The following ZFPM2 variants were observed in gnomAD, a reference collection of about 807,000 sequenced individuals.
ZFPM2 encodes the protein zinc finger protein ZFPM2.
Under a neutral mutation model 98.6 loss-of-function variants are expected in ZFPM2, and 20 were observed. The observed-to-expected ratio is 0.20, with a 90% CI of 0.14 to 0.29. The LOEUF (loss-of-function observed/expected upper bound fraction) is 0.29, where lower values mean the gene tolerates loss of function less well. ZFPM2 is among the 10% of genes least tolerant of loss of function. The pLI, the probability that ZFPM2 is intolerant of heterozygous loss-of-function variation, is 1.00. For missense variants in ZFPM2, 1,310 were observed against 1,388.6 expected, an observed-to-expected ratio of 0.94 and a Z score of 0.90; for synonymous variants, 518 against 502.7, an observed-to-expected ratio of 1.03 and a Z score of -0.41.
intron 1 of ZFPM2, among the ~76,000 whole-genome samples, chr8:105,355,076 TG>T (rs1448176583): frequency 1.3e-5 from 2 of 148,632 alleles, no homozygotes; most frequent in African/African-American, 4.9e-5. Flanking sequence ...AAATTGACAC[TG>T]TTTTTTAACA....
chr8:105,712,147 ATGT>A lies in ZFPM2; in HGVS notation c.533-76565_533-76563del, dbSNP rs1228745323. 3.3e-5 allele frequency among the ~76,000 whole-genome samples: 5 copies of A among 152,070 alleles called. No homozygotes were observed. The East Asian group carries it at 5.8e-4, about 18-fold the overall frequency. On this transcript the variant is annotated intron_variant, in intron 5 of 7. Coordinates refer to ENST00000407775, the MANE Select transcript of ZFPM2 (RefSeq NM_012082.4). The stretch of plus-strand genomic sequence containing the variant: ...TGAGGAACCAGTGGAGAGTTATAAG[ATGT>A]TGTTGAAACAAAAAAAGATAAGGAA...
rs553932704 is a variant in ZFPM2 at position 105,574,065 on chromosome 8, A to AT, written c.420+12586dup. 1.3e-3 allele frequency among the ~76,000 whole-genome samples: 201 copies of AT among 152,338 alleles called. 2 individuals are homozygous for AT. Among genetic ancestry groups the AT allele is most frequent in the African/African-American group, 4.7e-3 (196 of 41,590 alleles). On this transcript the variant is annotated intron_variant, in intron 4 of 7. Coordinates refer to ENST00000407775, the MANE Select transcript of ZFPM2 (RefSeq NM_012082.4). ...TATGCCTGTGAATAGAAAGTAAATG[A>AT]TTCATTCCTTTAATTCCCCAAGCAG...
intron 5 of ZFPM2, among the ~76,000 whole-genome samples, chr8:105,672,085 G>A (rs1817608731): frequency 6.6e-6 from 1 of 151,944 alleles, no homozygotes; most frequent in Non-Finnish European, 1.5e-5. Context: ...ATACATTCTA[G>A]ACTTTGTAAC....
intron 5 of ZFPM2, among the ~76,000 whole-genome samples, chr8:105,729,411 C>T (rs532180666): frequency 6.6e-6 from 1 of 151,122 alleles, no homozygotes; most frequent in Non-Finnish European, 1.5e-5. Flanking sequence ...TTTGGTTGAC[C>T]TTTATGTATT....
At chr8:105,505,060 CAG>C (rs2130485498) in intron 3 of ZFPM2, among the ~76,000 whole-genome samples, 1 of 152,222 alleles carries the variant, frequency 6.6e-6, no homozygotes, top group East Asian at 1.9e-4. Context: ...GCAAGGCACA[CAG>C]AAAATTACAT....
intron 5 of ZFPM2, among the ~76,000 whole-genome samples, chr8:105,644,881 C>G (rs1488682215): frequency 6.6e-6 from 1 of 152,158 alleles, no homozygotes; most frequent in East Asian, 1.9e-4. Context: ...TCACAAAAGC[C>G]TTACCTCCTA....
intron 2 of ZFPM2, among the ~76,000 whole-genome samples, chr8:105,422,283 A>G (rs1811810854): frequency 6.6e-6 from 1 of 151,770 alleles, no homozygotes; most frequent in Admixed American, 6.6e-5. Flanking sequence ...ACTAAAATAC[A>G]AAAATTAACT....
At chr8:105,624,956 A>T (rs1337128348) in intron 4 of ZFPM2, among the ~76,000 whole-genome samples, 3 of 152,158 alleles carry the variant, frequency 2.0e-5, no homozygotes, top group African/African-American at 7.2e-5. Flanking sequence ...GAGATCCCAC[A>T]TACCACATTC....
At chr8:105,583,389 A>T (rs1284842136) in intron 4 of ZFPM2, among the ~76,000 whole-genome samples, 1 of 152,178 alleles carries the variant, frequency 6.6e-6, no homozygotes, top group Non-Finnish European at 1.5e-5. Context: ...AAAAAGAGAA[A>T]TCACAAATTT....
chr8:105,611,114 C>A (rs1318358453), intron 4 of ZFPM2, among the ~76,000 whole-genome samples: 1 of 152,140 alleles, frequency 6.6e-6, no homozygotes, highest in African/African-American at 2.4e-5. Context: ...TTACAGACAG[C>A]TCCTGACTTA....
At chr8:105,327,853 C>CT (rs969555868) in intron 1 of ZFPM2, among the ~76,000 whole-genome samples, 6 of 151,598 alleles carry the variant, frequency 4.0e-5, no homozygotes, top group Admixed American at 1.3e-4. Flanking sequence ...CATAAAAGGC[C>CT]TTTTTTTCAT....
At chr8:105,534,276 T>TCCCC (rs1554614982) in intron 3 of ZFPM2, among the ~76,000 whole-genome samples, 3 of 39,472 alleles carry the variant, frequency 7.6e-5, no homozygotes. Context: ...CCTTCCTTCT[T>TCCCC]TCCCTCCCTC....
At chr8:105,767,707 TA>T (rs904557214) in intron 5 of ZFPM2, among the ~76,000 whole-genome samples, 2 of 151,730 alleles carry the variant, frequency 1.3e-5, no homozygotes, top group Non-Finnish European at 2.9e-5. Flanking sequence ...TCAGGGAATA[TA>T]AAAAAAATTT....
intron 4 of ZFPM2, among the ~76,000 whole-genome samples, chr8:105,610,620 TG>T (rs1216363479): frequency 1.3e-5 from 2 of 152,132 alleles, no homozygotes; most frequent in Admixed American, 6.6e-5. Context: ...TATTGTATAT[TG>T]GGGGCTCTGT....
intron 3 of ZFPM2, among the ~76,000 whole-genome samples, chr8:105,549,739 G>C (rs1814806559): frequency 6.6e-6 from 1 of 151,440 alleles, no homozygotes. Flanking sequence ...AACTTCCCAA[G>C]TAGCAGGGAC....
chr8:105,606,583 A>G (rs1404640854), intron 4 of ZFPM2, among the ~76,000 whole-genome samples: 1 of 152,098 alleles, frequency 6.6e-6, no homozygotes, highest in Non-Finnish European at 1.5e-5. Flanking sequence ...TGGAAATTAC[A>G]AAACACAAAG....
At chr8:105,324,414 T>A (rs1041708894) in intron 1 of ZFPM2, among the ~76,000 whole-genome samples, 6 of 151,864 alleles carry the variant, frequency 4.0e-5, no homozygotes, top group African/African-American at 1.4e-4. Flanking sequence ...TCATCCATGT[T>A]ATTTCTGCTA....
rs1410432234 is a variant in ZFPM2, at chr8:105,605,732, G to A, written c.421-28514G>A. ...GAAAATGGGGTAAGAAAGTTGTATT[G>A]ATATGTTGAGAATTGCTCAGTGCAA... On this transcript the variant is annotated intron_variant, in intron 4 of 7. Coordinates refer to ENST00000407775, the MANE Select transcript of ZFPM2 (RefSeq NM_012082.4). Among the ~76,000 whole-genome samples the A allele has an allele frequency of 2.0e-5, 3 of 152,068 alleles. No individual in the cohort carries two copies. In the East Asian group the frequency reaches 5.8e-4, roughly 29 times the overall value.
chr8:105,801,711 G>C lies in ZFPM2; in HGVS notation c.1629G>C (p.Leu543Phe), dbSNP rs771752003. ...ACCCTCCCGTCATTTACAGCCCTTT[G>C]ATGCCCAAGGGGGCTACTTGTTTTG... Reference protein sequence around the residue: ...SSYPPVIYSPLMPKGATCFEC... With the variant: ...SSYPPVIYSPFMPKGATCFEC... Residue 543 changes from leucine (L) to phenylalanine (F), a missense_variant, in exon 8 of 8, where the codon TTG (leucine) becomes TTC (phenylalanine). By Grantham distance (22) the Leu-to-Phe change is conservative. Coordinates refer to ENST00000407775, the MANE Select transcript of ZFPM2 (RefSeq NM_012082.4). 1 of 1,613,804 alleles carries C rather than the reference G, an allele frequency of 6.2e-7. No individual in the cohort carries two copies. The highest frequency in any genetic ancestry group is 8.5e-7 in the Non-Finnish European group (1 of 1,179,856).
Sources: allele counts gnomAD v4.1 joint callset (sites outside exome capture counted in the v4.1 genomes callset), GRCh38; gene constraint gnomAD v4.1.1; transcripts MANE v1.5; gene names NCBI Gene and HGNC (gene_info 2026-07-23, HGNC 2026-07-21).